MYRIP: variants seen among roughly 807,000 people sequenced by gnomAD.
MYRIP encodes the protein rab effector MyRIP.
A neutral mutation model predicts 98.0 loss-of-function variants in MYRIP; 49 were observed. The observed-to-expected ratio is 0.50, with a 90% CI of 0.40 to 0.63. The LOEUF (loss-of-function observed/expected upper bound fraction) is 0.63. MYRIP is among the 30% of genes least tolerant of loss of function. MYRIP has a pLI of 0.00. For missense variants in MYRIP, 1,004 were observed against 1,058.2 expected, an observed-to-expected ratio of 0.95 and a Z score of 0.71; for synonymous variants, 404 against 409.5, an observed-to-expected ratio of 0.99 and a Z score of 0.16.
chr3:40,021,022 A>T (rs1341551631), intron 2 of MYRIP, among the ~76,000 whole-genome samples: 1 of 152,178 alleles, frequency 6.6e-6, no homozygotes, highest in Non-Finnish European at 1.5e-5. Context: ...TCTTGTAGGG[A>T]TTAATTCTGC....
At chr3:40,039,831 T>G (rs917807565) in intron 2 of MYRIP, among the ~76,000 whole-genome samples, 2 of 152,094 alleles carry the variant, frequency 1.3e-5, no homozygotes, top group Non-Finnish European at 2.9e-5. Flanking sequence ...CTCCCTCTTC[T>G]GTAGGTCAGA....
At chr3:39,955,398 C>T (rs1195081955) in intron 2 of MYRIP, among the ~76,000 whole-genome samples, 1 of 152,126 alleles carries the variant, frequency 6.6e-6, no homozygotes, top group Non-Finnish European at 1.5e-5. Flanking sequence ...AAAGAATTTT[C>T]AACCCAGAAT....
intron 1 of MYRIP, among the ~76,000 whole-genome samples, chr3:39,860,393 A>G (rs1332625482): frequency 6.6e-6 from 1 of 152,222 alleles, no homozygotes; most frequent in Admixed American, 6.5e-5. Flanking sequence ...CTAGTGGAGC[A>G]TGATCATGAA....
At chr3:40,115,280 C>T (rs1332614628) in intron 3 of MYRIP, among the ~76,000 whole-genome samples, 1 of 152,066 alleles carries the variant, frequency 6.6e-6, no homozygotes, top group Non-Finnish European at 1.5e-5. Flanking sequence ...TATTAGTTCT[C>T]ATGCTGCTAT....
chr3:40,162,487 G>T (rs1246049744), intron 4 of MYRIP, among the ~76,000 whole-genome samples: 3 of 152,216 alleles, frequency 2.0e-5, no homozygotes, highest in Non-Finnish European at 4.4e-5. Flanking sequence ...CTGCAAAGAA[G>T]GTTTGGGAAG....
At chr3:39,986,019 G>A (rs929050788) in intron 2 of MYRIP, among the ~76,000 whole-genome samples, 9 of 152,132 alleles carry the variant, frequency 5.9e-5, no homozygotes, top group Admixed American at 6.5e-5. Context: ...GAGTGAACAG[G>A]CCACCTACAA....
intron 2 of MYRIP, among the ~76,000 whole-genome samples, chr3:39,997,118 A>C (rs1215780930): frequency 6.6e-6 from 1 of 152,208 alleles, no homozygotes; most frequent in Non-Finnish European, 1.5e-5. Flanking sequence ...ATCACAATTA[A>C]AAGAACTAGA....
chr3:40,016,302 C>G (rs908075081), intron 2 of MYRIP, among the ~76,000 whole-genome samples: 2 of 152,148 alleles, frequency 1.3e-5, no homozygotes, highest in African/African-American at 4.8e-5. Context: ...TCATCCAGAA[C>G]CCCTTCACTG....
At chr3:39,871,620 C>A (rs1942791826) in intron 1 of MYRIP, among the ~76,000 whole-genome samples, 1 of 151,942 alleles carries the variant, frequency 6.6e-6, no homozygotes, top group Non-Finnish European at 1.5e-5. Context: ...TAAAAGGGTT[C>A]TTGAGAGACT....
At chr3:40,240,517 A>T (rs1169288979) in intron 12 of MYRIP, among the ~76,000 whole-genome samples, 5 of 152,278 alleles carry the variant, frequency 3.3e-5, no homozygotes, top group Admixed American at 3.3e-4. Flanking sequence ...TTCCTAGTCA[A>T]AGAAAGTGGT....
intron 3 of MYRIP, among the ~76,000 whole-genome samples, chr3:40,085,041 CGATA>C (rs2125876313): frequency 6.6e-6 from 1 of 150,662 alleles, no homozygotes; most frequent in African/African-American, 2.4e-5. Flanking sequence ...TGTTATATAT[CGATA>C]GATATATATC....
chr3:39,859,944 C>T (rs1481598691), intron 1 of MYRIP, among the ~76,000 whole-genome samples: 1 of 152,140 alleles, frequency 6.6e-6, no homozygotes, highest in Non-Finnish European at 1.5e-5. Context: ...TTTCTCTAAG[C>T]TCAGAAACAA....
At chr3:40,241,782 C>T (rs926641506) in intron 12 of MYRIP, among the ~76,000 whole-genome samples, 7 of 152,166 alleles carry the variant, frequency 4.6e-5, no homozygotes, top group African/African-American at 1.7e-4. Context: ...GACATGGTAA[C>T]CACAGTTCTC....
intron 3 of MYRIP, among the ~76,000 whole-genome samples, chr3:40,126,152 T>A (rs894233955): frequency 2.0e-5 from 3 of 152,216 alleles, no homozygotes; most frequent in Non-Finnish European, 2.9e-5. Context: ...AAACTCCATG[T>A]TTCTTAAAGT....
At chr3:39,956,800 A>G (rs1371474364) in intron 2 of MYRIP, among the ~76,000 whole-genome samples, 1 of 151,818 alleles carries the variant, frequency 6.6e-6, no homozygotes, top group Non-Finnish European at 1.5e-5. Context: ...AGAAAGAAGA[A>G]AAGAGAGAAG....
chr3:40,157,282 T>A (rs1340550070), intron 4 of MYRIP, among the ~76,000 whole-genome samples: 2 of 143,722 alleles, frequency 1.4e-5, no homozygotes, highest in Non-Finnish European at 3.0e-5. Flanking sequence ...GTTCTGTTTA[T>A]ATGCTGGATT....
intron 13 of MYRIP, among the ~76,000 whole-genome samples, chr3:40,246,677 G>C (rs1324903048): frequency 6.6e-6 from 1 of 152,146 alleles, no homozygotes; most frequent in East Asian, 1.9e-4. Flanking sequence ...AGGGGGTTGT[G>C]ACTCAGCTTC....
At chr3:40,147,640 C>G (rs1380568262) in intron 3 of MYRIP, among the ~76,000 whole-genome samples, 1 of 152,162 alleles carries the variant, frequency 6.6e-6, no homozygotes, top group East Asian at 1.9e-4. Context: ...AGTTAGTTTA[C>G]AAAATCATAC....
At chr3:40,091,403 G>C (rs531713936) in intron 3 of MYRIP, among the ~76,000 whole-genome samples, 1 of 151,454 alleles carries the variant, frequency 6.6e-6, no homozygotes, top group Non-Finnish European at 1.5e-5. Context: ...GTAGAAGAGG[G>C]TCTGGCTATG....
Sources: allele counts gnomAD v4.1 joint callset (sites outside exome capture counted in the v4.1 genomes callset), GRCh38; gene constraint gnomAD v4.1.1; transcripts MANE v1.5; gene names NCBI Gene and HGNC (gene_info 2026-07-23, HGNC 2026-07-21).